Variants in CDH1 observed in about 807,000 individuals in gnomAD.
CDH1 encodes the protein cadherin 1.
Under a neutral mutation model 84.5 loss-of-function variants are expected in CDH1, and 35 were observed. The observed-to-expected ratio is 0.41, with a 90% CI of 0.32 to 0.55. The LOEUF (loss-of-function observed/expected upper bound fraction) is 0.55, where lower values mean the gene tolerates loss of function less well. CDH1 is among the 20% of genes least tolerant of loss of function. The pLI is 0.19. For missense variants in CDH1, 994 were observed against 1,126.6 expected (o/e 0.88, Z 1.68); for synonymous variants, 417 against 439.0 (o/e 0.95, Z 0.63).
At chr16:68,752,154 G>T (rs1219479940) in intron 2 of CDH1, among the ~76,000 whole-genome samples, 10 of 151,946 alleles carry the variant, frequency 6.6e-5, no homozygotes, top group Admixed American at 6.6e-4. Context: ...GTTTCACCAT[G>T]TTGGCCAGGT....
intron 15 of CDH1, among the ~76,000 whole-genome samples, chr16:68,832,174 T>G (rs558668259): frequency 6.6e-6 from 1 of 152,160 alleles, no homozygotes; most frequent in Admixed American, 6.5e-5. Context: ...AACTACTGGG[T>G]ACTGGGCTAA....
Position 68,811,672 on chromosome 16 carries a change from G to C in CDH1, c.833-12G>C, listed in dbSNP as rs2152131857. On this transcript the variant is annotated splice_polypyrimidine_tract_variant and intron_variant, in intron 6 of 15. Coordinates refer to ENST00000261769, the MANE Select transcript of CDH1 (RefSeq NM_004360.5). ...AGCTTGTCTAAACCTTCATCTCCTT[G>C]AACTCTTCCAGGAACCTCTGTGATG... 6.2e-7 allele frequency: 1 copy of C among 1,613,648 alleles called. No individual in the cohort carries two copies. The highest frequency in any genetic ancestry group is 8.5e-7 in the Non-Finnish European group (1 of 1,179,850).
At chr16:68,741,918 G>A (rs926545888) in intron 2 of CDH1, among the ~76,000 whole-genome samples, 4 of 152,172 alleles carry the variant, frequency 2.6e-5, no homozygotes, top group African/African-American at 9.7e-5. Flanking sequence ...TGATCCGCCT[G>A]CCTTGGCCTC....
At chr16:68,796,971 A>C (rs1195389084) in intron 2 of CDH1, among the ~76,000 whole-genome samples, 1 of 151,460 alleles carries the variant, frequency 6.6e-6, no homozygotes, top group Non-Finnish European at 1.5e-5. Flanking sequence ...AACCCCATCT[A>C]GTCCTGTAAA....
Position 68,833,284 on chromosome 16 carries a change from C to G in CDH1, c.2440-6C>G, listed in dbSNP as rs139757930. ...CTAAAAGATGCTTTTGTCCCTTCTT[C>G]TTTAGAATCTGAAAGCGGCTGATAC... is the stretch of plus-strand genomic sequence containing the variant. On this transcript the variant is annotated splice_region_variant and splice_polypyrimidine_tract_variant and intron_variant, in intron 15 of 15. Coordinates refer to ENST00000261769, the MANE Select transcript of CDH1 (RefSeq NM_004360.5). The G allele has an allele frequency of 1.3e-3, 2,169 of 1,613,682 alleles. 5 individuals are homozygous for G. Among genetic ancestry groups the G allele is most frequent in the Middle Eastern group, 8.3e-3 (50 of 6,058 alleles).
chr16:68,745,589 A>ATATG (rs1487986788), intron 2 of CDH1, among the ~76,000 whole-genome samples: 85 of 105,520 alleles, frequency 8.1e-4, no homozygotes, highest in African/African-American at 2.7e-3. Flanking sequence ...TGTGTAATAT[A>ATATG]TGTGTATATA....
intron 2 of CDH1, among the ~76,000 whole-genome samples, chr16:68,800,328 G>C (rs553397761): frequency 6.6e-6 from 1 of 152,272 alleles, no homozygotes; most frequent in East Asian, 1.9e-4. Context: ...CTTAACCTCT[G>C]TGAGCCTCAG....
rs1280792587 is a variant in CDH1 at position 68,833,481 on chromosome 16, A to C, written c.2631A>C (p.Gly877=). Reference sequence around the variant, plus strand: ...TCAAGAAGCTGGCTGACATGTACGGAGGCGGCGAGGACGACTAGGGGACTC... The same window carrying C: ...TCAAGAAGCTGGCTGACATGTACGGCGGCGGCGAGGACGACTAGGGGACTC... ...NRFKKLADMY[G]GGEDD is the part of the protein sequence containing the mutation. Residue 877 remains glycine (G), a synonymous_variant, in exon 16 of 16, where the codon GGA becomes GGC. Coordinates refer to ENST00000261769, the MANE Select transcript of CDH1 (RefSeq NM_004360.5). 6.2e-7 allele frequency: 1 copy of C among 1,613,920 alleles called. No individual in the cohort carries two copies. The highest frequency in any genetic ancestry group is 1.7e-5 in the Admixed American group (1 of 60,002).
intron 3 of CDH1, among the ~76,000 whole-genome samples, chr16:68,803,581 G>A (rs1043492469): frequency 2.6e-5 from 4 of 152,014 alleles, no homozygotes; most frequent in African/African-American, 9.7e-5. Context: ...GATTTTAGTA[G>A]AGATGGGTTT....
At chr16:68,798,255 A>G (rs149731640) in intron 2 of CDH1, among the ~76,000 whole-genome samples, 5 of 152,192 alleles carry the variant, frequency 3.3e-5, no homozygotes, top group African/African-American at 7.2e-5. Context: ...AGCTTTTTTT[A>G]TGGGCATGTT....
At chr16:68,782,461 T>C (rs2152122182) in intron 2 of CDH1, among the ~76,000 whole-genome samples, 1 of 152,338 alleles carries the variant, frequency 6.6e-6, no homozygotes, top group East Asian at 1.9e-4. Context: ...CACTCTGTAG[T>C]TGAAGAGGAA....
At chr16:68,783,418 AAG>A (rs1283086641) in intron 2 of CDH1, among the ~76,000 whole-genome samples, 53 of 151,644 alleles carry the variant, frequency 3.5e-4, no homozygotes, top group African/African-American at 1.3e-3. Flanking sequence ...AAAAGAAAAA[AAG>A]AAAAAAAAGT....
At chr16:68,790,832 G>C (rs751454221) in intron 2 of CDH1, among the ~76,000 whole-genome samples, 22 of 152,176 alleles carry the variant, frequency 1.4e-4, no homozygotes, top group Non-Finnish European at 2.6e-4. Context: ...CAAGGCAGCA[G>C]ATACCAATCC....
chr16:68,823,342 A>G, intron 12 of CDH1, 57 bp from the exon 13 acceptor site: 3 of 1,257,820 alleles, frequency 2.4e-6, no homozygotes, highest in Non-Finnish European at 3.5e-6. Flanking sequence ...TTATTCTGGA[A>G]TGAGCTTTTT....
chr16:68,758,261 A>C lies in CDH1; in HGVS notation c.163+19850A>C, dbSNP rs77955801. ...AGAGAGAGAGAGAGAGAGAGACCCA[A>C]ATGGGAATTCCCTAGGGCCAGTTTC... On this transcript the variant is annotated intron_variant, in intron 2 of 15. Coordinates refer to ENST00000261769, the MANE Select transcript of CDH1 (RefSeq NM_004360.5). 1.0e-3 allele frequency among the ~76,000 whole-genome samples: 139 copies of C among 133,650 alleles called. 5 individuals are homozygous for C. The East Asian group carries it at 0.027, about 26-fold the overall frequency. The allele number at this position is 133,650 out of a possible 152,430, so 87.7% of individuals were successfully genotyped here.
At chr16:68,823,992 CTTTTTT>C (rs889358029) in intron 13 of CDH1, among the ~76,000 whole-genome samples, 1 of 99,930 alleles carries the variant, frequency 1.0e-5, no homozygotes, top group Non-Finnish European at 1.9e-5. Flanking sequence ...TTCTGCATTT[CTTTTTT>C]TTTTTTTTTT....
chr16:68,745,603 G>GTGTATATATA (rs1962714499), intron 2 of CDH1, among the ~76,000 whole-genome samples: 2 of 127,908 alleles, frequency 1.6e-5, no homozygotes, highest in African/African-American at 7.3e-5. Context: ...GTATATATAT[G>GTGTATATATA]TATGTGTATA....
At position 68,819,134 on chromosome 16, in the gene CDH1, G is replaced by C. The variant is rs1961066866; in HGVS notation, c.1566-146G>C. 9.6e-6 allele frequency: 8 copies of C among 835,864 alleles called. No individual in the cohort carries two copies. In the Admixed American group the frequency reaches 1.4e-4, roughly 15 times the overall value. The allele number at this position is 835,864 out of a possible 1,614,324, so 51.8% of individuals were successfully genotyped here. The stretch of plus-strand genomic sequence containing the variant: ...GCCTCCCAAAGTGTTGGGATTACAG[G>C]CATGAGCCACCGCGACCGGCCTATT... On this transcript the variant is annotated intron_variant, in intron 10 of 15. Coordinates refer to ENST00000261769, the MANE Select transcript of CDH1 (RefSeq NM_004360.5).
intron 2 of CDH1, among the ~76,000 whole-genome samples, chr16:68,745,547 A>ATATATATATATATATGTATAT (rs1491171815): frequency 9.1e-5 from 2 of 21,966 alleles, no homozygotes; most frequent in African/African-American, 1.9e-4. Context: ...AAAAAAAAAA[A>ATATATATATATATATGTATAT]AAATATATAT....
Sources: gnomAD v4.1 joint callset for allele counts (sites outside exome capture counted in the v4.1 genomes callset) on GRCh38, gnomAD v4.1.1 for gene constraint, MANE v1.5 for transcripts, NCBI Gene and HGNC (gene_info 2026-07-23, HGNC 2026-07-21) for gene names.